PTPRN2: variants seen among roughly 807,000 people sequenced by gnomAD.
PTPRN2 encodes receptor-type tyrosine-protein phosphatase N2.
A neutral mutation model predicts 118.8 loss-of-function variants in PTPRN2; 74 were observed. The ratio of observed to expected loss-of-function variants is 0.62; its 90% CI spans 0.52 to 0.76. PTPRN2 has a LOEUF of 0.76. Ranked by LOEUF, PTPRN2 falls within the 30% of genes least tolerant of loss-of-function variation. The pLI, the probability that PTPRN2 is intolerant of heterozygous loss-of-function variation, is 0.00. For missense variants in PTPRN2, 1,481 were observed against 1,394.4 expected, an observed-to-expected ratio of 1.06 and a Z score of -0.99; for synonymous variants, 641 against 608.0, an observed-to-expected ratio of 1.05 and a Z score of -0.80.
At chr7:158,577,842 G>T (rs1828423447) in intron 1 of PTPRN2, among the ~76,000 whole-genome samples, 1 of 152,232 alleles carries the variant, frequency 6.6e-6, no homozygotes, top group South Asian at 2.1e-4. Flanking sequence ...TGGAGTAAGG[G>T]AAAGGGCCCT....
In PTPRN2 at chr7:158,206,616, A is replaced by AG. The variant is rs373272032; in HGVS notation, c.278-1344dup. ...GTTCGTTTGTCTCGGAGAATGTAAG[A>AG]GAAAAAAAGTCTGCCTGGTAATCCA... is the stretch of plus-strand genomic sequence containing the variant. On this transcript the variant is annotated intron_variant, in intron 3 of 22. Coordinates refer to ENST00000389418, the MANE Select transcript of PTPRN2 (RefSeq NM_002847.5). Among the ~76,000 whole-genome samples, 165 of 152,164 alleles carry AG rather than the reference A, an allele frequency of 1.1e-3. 1 individual carries two copies. The highest frequency in any genetic ancestry group is 3.5e-3 in the African/African-American group (147 of 41,518).
chr7:158,054,373 G>T (rs1438732569), intron 11 of PTPRN2, among the ~76,000 whole-genome samples: 16 of 152,226 alleles, frequency 1.1e-4, no homozygotes, highest in Admixed American at 9.8e-4. Flanking sequence ...GGAAAGAAAG[G>T]CCACACCCTT....
rs1292779794 is a variant in PTPRN2, at chr7:157,583,938, TTAAAA to T, written c.2497-5803_2497-5799del. On this transcript the variant is annotated intron_variant, in intron 17 of 22. Coordinates refer to ENST00000389418, the MANE Select transcript of PTPRN2 (RefSeq NM_002847.5). The surrounding 1 kb of genome is among the most constrained non-coding windows in gnomAD (Gnocchi z 5.5). Reference sequence around the variant, plus strand: ...CACACACACACACACACACACACTCTTAAAATAAGCTCTCCTGAAGCCCCACAGAG... The same window carrying T: ...CACACACACACACACACACACACTCTTAAGCTCTCCTGAAGCCCCACAGAG... Among the ~76,000 whole-genome samples the T allele has an allele frequency of 2.1e-5, 3 of 141,010 alleles. No individual in the cohort carries two copies. Among genetic ancestry groups the T allele is most frequent in the Non-Finnish European group, 4.6e-5 (3 of 64,850 alleles). 92.5% of individuals were successfully genotyped at this position (141,010 alleles called of 152,430 possible). A position where few individuals can be genotyped will look rare whatever the true frequency, so the allele number is the denominator to read the frequency against.
chr7:158,568,301 A>G (rs952227852), intron 1 of PTPRN2, among the ~76,000 whole-genome samples: 10 of 152,182 alleles, frequency 6.6e-5, no homozygotes, highest in Non-Finnish European at 1.2e-4. Context: ...TATCTAGCTC[A>G]ACTTCCTCAT....
intron 11 of PTPRN2, among the ~76,000 whole-genome samples, chr7:157,981,067 G>A (rs1181962587): frequency 6.6e-6 from 1 of 152,270 alleles, no homozygotes; most frequent in African/African-American, 2.4e-5. Flanking sequence ...CTCTGGCTGT[G>A]TTGTCAGGCA....
Position 157,658,433 on chromosome 7 carries a change from T to C in PTPRN2, c.2002-1882A>G, listed in dbSNP as rs538133476. Among the ~76,000 whole-genome samples, 4 of 152,300 alleles carry C rather than the reference T, an allele frequency of 2.6e-5. No individual in the cohort carries two copies. In the East Asian group the frequency reaches 7.7e-4, roughly 29 times the overall value. On this transcript the variant is annotated intron_variant, in intron 13 of 22. Transcript: ENST00000389418. ...CCGTATTTAAAGGAAACTCTCAACATTACACCCCAAGACAGCTTCTGAGGG... is the reference window on the plus strand; with the variant it reads ...CCGTATTTAAAGGAAACTCTCAACACTACACCCCAAGACAGCTTCTGAGGG...
chr7:158,377,310 G>A (rs545166329), intron 2 of PTPRN2, among the ~76,000 whole-genome samples: 1 of 152,350 alleles, frequency 6.6e-6, no homozygotes, highest in Admixed American at 6.5e-5. Context: ...GGATGCTCCT[G>A]TTTCATCATG....
chr7:157,556,008 C>T (rs1180932600), intron 21 of PTPRN2, among the ~76,000 whole-genome samples: 1 of 152,210 alleles, frequency 6.6e-6, no homozygotes, highest in African/African-American at 2.4e-5. Context: ...TTCTAGCTCT[C>T]CATGTCAGCC....
rs184017671 is a variant in PTPRN2 at position 158,133,581 on chromosome 7, G to A, written c.1556+96C>T. On this transcript the variant is annotated intron_variant, in intron 9 of 22. Coordinates refer to ENST00000389418, the MANE Select transcript of PTPRN2 (RefSeq NM_002847.5). ...TATTCAGTTGAAGACACTTAAAAGC[G>A]TATGCATCCGCCACAGCAAGGAGGC... 3.1e-4 allele frequency: 447 copies of A among 1,465,326 alleles called. 2 individuals are homozygous for A. The African/African-American group carries it at 4.4e-3, about 14-fold the overall frequency. The allele number at this position is 1,465,326 out of a possible 1,614,324, so 90.8% of individuals were successfully genotyped here. A position where few individuals can be genotyped will look rare whatever the true frequency, so the allele number is the denominator to read the frequency against.
At chr7:158,026,535 T>C (rs1030209400) in intron 11 of PTPRN2, among the ~76,000 whole-genome samples, 3 of 152,236 alleles carry the variant, frequency 2.0e-5, no homozygotes, top group African/African-American at 4.8e-5. Context: ...ATATTTACAA[T>C]GTAAGATAAT....
At chr7:157,795,202 C>T (rs1804793371) in intron 12 of PTPRN2, among the ~76,000 whole-genome samples, 1 of 151,302 alleles carries the variant, frequency 6.6e-6, no homozygotes, top group Non-Finnish European at 1.5e-5. Context: ...CTCACCTGTG[C>T]ACCTGGGTGG....
At chr7:158,259,941 G>T (rs2150921429) in intron 3 of PTPRN2, among the ~76,000 whole-genome samples, 1 of 143,306 alleles carries the variant, frequency 7.0e-6, no homozygotes, top group East Asian at 2.1e-4. Flanking sequence ...ATGTGTCTCT[G>T]GTATACACAT....
chr7:158,544,243 C>T lies in PTPRN2; in HGVS notation c.112+43315G>A, dbSNP rs774620529. ...ATGAACCCAAAAACAGGAACGGCAA[C>T]GTTGACTCTAAAGCAAGCGTATCCA... On this transcript the variant is annotated intron_variant, in intron 1 of 22. Transcript: ENST00000389418. The surrounding 1 kb of genome is among the most constrained non-coding windows in gnomAD (Gnocchi z 4.2). Among the ~76,000 whole-genome samples the T allele has an allele frequency of 3.3e-5, 5 of 152,090 alleles. No individual in the cohort carries two copies. Among genetic ancestry groups the T allele is most frequent in the Non-Finnish European group, 7.3e-5 (5 of 68,028 alleles).
intron 12 of PTPRN2, among the ~76,000 whole-genome samples, chr7:157,777,703 A>G (rs1803416788): frequency 6.6e-6 from 1 of 152,254 alleles, no homozygotes; most frequent in Non-Finnish European, 1.5e-5. Flanking sequence ...CTGCTGACAT[A>G]ATTCAGCGAA....
At chr7:157,946,312 G>T (rs1451351238) in intron 11 of PTPRN2, among the ~76,000 whole-genome samples, 1 of 152,036 alleles carries the variant, frequency 6.6e-6, no homozygotes, top group Non-Finnish European at 1.5e-5. Flanking sequence ...AAATCCAGCT[G>T]GTCCTGAGAG....
intron 3 of PTPRN2, among the ~76,000 whole-genome samples, chr7:158,262,179 C>A (rs770821781): frequency 8.5e-5 from 13 of 152,206 alleles, no homozygotes; most frequent in South Asian, 4.1e-4. Flanking sequence ...CTCCTGCCTC[C>A]CTCCCCTGCT....
intron 12 of PTPRN2, among the ~76,000 whole-genome samples, chr7:157,724,130 T>C (rs1799397675): frequency 6.6e-6 from 1 of 152,192 alleles, no homozygotes; most frequent in South Asian, 2.1e-4. Flanking sequence ...TGAATCGCGC[T>C]GGTGTATCTG....
At chr7:157,753,642 G>A (rs1801614138) in intron 12 of PTPRN2, among the ~76,000 whole-genome samples, 1 of 147,460 alleles carries the variant, frequency 6.8e-6, no homozygotes, top group Non-Finnish European at 1.5e-5. Context: ...CCCCACACCT[G>A]CCTTAACGCC....
chr7:157,554,954 A>G (rs1213959929), intron 21 of PTPRN2, among the ~76,000 whole-genome samples: 1 of 148,288 alleles, frequency 6.7e-6, no homozygotes. Flanking sequence ...CATCTTGCTC[A>G]GCACCCCAGT....
Sources: allele counts gnomAD v4.1 joint callset (sites outside exome capture counted in the v4.1 genomes callset), GRCh38; gene constraint gnomAD v4.1.1; non-coding constraint Gnocchi (gnomAD v3.1); transcripts MANE v1.5; gene names NCBI Gene and HGNC (gene_info 2026-07-23, HGNC 2026-07-21).